PTPN13: variants seen among roughly 807,000 people sequenced by gnomAD.
PTPN13 encodes the protein protein tyrosine phosphatase non-receptor type 13.
Under a neutral mutation model 284.0 loss-of-function variants are expected in PTPN13, and 191 were observed. That is an observed-to-expected ratio of 0.67 (90% CI 0.60 to 0.76). PTPN13 has a LOEUF of 0.76. Ranked by LOEUF, PTPN13 falls within the 30% of genes least tolerant of loss-of-function variation. The pLI is 0.00. For missense variants in PTPN13, 2,797 were observed against 2,939.9 expected (o/e 0.95, Z 1.12); for synonymous variants, 986 against 1,022.3 (o/e 0.96, Z 0.68).
At position 86,734,826 on chromosome 4, in the gene PTPN13, T is replaced by C; in HGVS notation, c.2102T>C (p.Leu701Ser). 2 of 1,613,512 alleles carry C rather than the reference T, an allele frequency of 1.2e-6. No individual in the cohort carries two copies. Among genetic ancestry groups the C allele is most frequent in the Non-Finnish European group, 1.7e-6 (2 of 1,179,562 alleles). ...CACTGTGATGATGAGACTTCCTTAT[T>C]GCTGGCATCCTTGGCTCTCCAGGCT... The part of the protein sequence containing the change: ...RMHCDDETSL[L>S]LASLALQAEY... The change falls in exon 14 of 48, where the codon TTG (leucine) becomes TCG (serine). Residue 701 changes from leucine to serine, a missense_variant. Leu to Ser is a moderately radical substitution (Grantham distance 145). Coordinates refer to ENST00000411767, the MANE Select transcript of PTPN13 (RefSeq NM_080683.3).
chr4:86,692,605 C>T (rs1446874510), intron 5 of PTPN13, among the ~76,000 whole-genome samples: 3 of 152,146 alleles, frequency 2.0e-5, no homozygotes, highest in Non-Finnish European at 4.4e-5. Flanking sequence ...CTGAATAAAA[C>T]AGTGGTCTGT....
intron 2 of PTPN13, chr4:86,661,166 G>T (rs1309336441): frequency 4.5e-6 from 2 of 441,608 alleles, no homozygotes; most frequent in East Asian, 7.3e-5. Context: ...TTTACCAAGG[G>T]TAATCACTGC....
rs1024608243 is a variant in PTPN13, at chr4:86,657,883, T to G, written c.116-14482T>G. ...CCCACTCCATCCTCCACATAGAAGATGTCTCCCCAAGAGCTGCACTGCCTG... is the reference window on the plus strand; with the variant it reads ...CCCACTCCATCCTCCACATAGAAGAGGTCTCCCCAAGAGCTGCACTGCCTG... On this transcript the variant is annotated intron_variant, in intron 2 of 47. Coordinates refer to ENST00000411767, the MANE Select transcript of PTPN13 (RefSeq NM_080683.3). Among the ~76,000 whole-genome samples the G allele has an allele frequency of 7.2e-5, 11 of 152,162 alleles. 1 individual carries two copies. Among genetic ancestry groups the G allele is most frequent in the African/African-American group, 2.7e-4 (11 of 41,450 alleles).
intron 35 of PTPN13, among the ~76,000 whole-genome samples, chr4:86,776,949 A>G (rs1238901287): frequency 6.6e-6 from 1 of 152,164 alleles, no homozygotes; most frequent in East Asian, 1.9e-4. Context: ...TCATTCCCAG[A>G]GCTGGGATAG....
intron 42 of PTPN13, among the ~76,000 whole-genome samples, chr4:86,800,657 AAGAAAGAGAGAGAG>A (rs796389717): frequency 6.1e-4 from 92 of 150,970 alleles, no homozygotes; most frequent in African/African-American, 2.1e-3. Flanking sequence ...GTCAGAAAGA[AAGAAAGAGAGAGAG>A]AGAAAGAGAG....
chr4:86,734,641 T>C, intron 13 of PTPN13, 96 bp from the exon 14 acceptor site: 2 of 1,406,368 alleles, frequency 1.4e-6, no homozygotes, highest in Non-Finnish European at 1.9e-6. Flanking sequence ...AGCTTAGTAA[T>C]AAACTCATGG....
Position 86,814,713 on chromosome 4 carries a change from A to G in PTPN13, c.*162A>G, listed in dbSNP as rs1745611552. ...CTTCTTGAAAATAAAAAATATTGAA[A>G]TGCTGTATTTTTACAGCTACTTTAA... On this transcript the variant is annotated 3_prime_UTR_variant, in exon 48 of 48. Coordinates refer to ENST00000411767, the MANE Select transcript of PTPN13 (RefSeq NM_080683.3). 1 of 565,880 alleles carries G rather than the reference A, an allele frequency of 1.8e-6. No homozygotes were observed. The highest frequency in any genetic ancestry group is 1.9e-5 in the African/African-American group (1 of 53,080). 35.1% of individuals were successfully genotyped at this position (565,880 alleles called of 1,614,324 possible). A position where few individuals can be genotyped will look rare whatever the true frequency, so the allele number is the denominator to read the frequency against.
chr4:86,718,511 C>A (rs549874065), intron 9 of PTPN13, among the ~76,000 whole-genome samples: 1 of 149,582 alleles, frequency 6.7e-6, no homozygotes, highest in East Asian at 1.9e-4. Flanking sequence ...AATGCAGTGG[C>A]GCTATCTCAG....
chr4:86,775,326 C>T lies in PTPN13; in HGVS notation c.5664C>T (p.Cys1888=), dbSNP rs1040235010. 1 of 1,611,732 alleles carries T rather than the reference C, an allele frequency of 6.2e-7. No homozygotes were observed. The highest frequency in any genetic ancestry group is 8.5e-7 in the Non-Finnish European group (1 of 1,179,066). The change falls in exon 34 of 48, where the codon TGC becomes TGT. Residue 1888 remains cysteine (C), a synonymous_variant. Coordinates refer to ENST00000411767, the MANE Select transcript of PTPN13 (RefSeq NM_080683.3). ...PHLLPDITLT[C]NKEELGFSLC... The stretch of plus-strand genomic sequence containing the variant: ...TGCTACCGGACATAACACTAACGTG[C>T]AACAAAGAGGAGTTGGGTAATGAAA...
At chr4:86,797,645 T>C (rs1311945369) in intron 41 of PTPN13, among the ~76,000 whole-genome samples, 1 of 152,132 alleles carries the variant, frequency 6.6e-6, no homozygotes. Flanking sequence ...TAAATGGAAA[T>C]GTGGCAACAA....
chr4:86,809,053 G>T (rs1180348911), intron 45 of PTPN13, among the ~76,000 whole-genome samples: 1 of 152,156 alleles, frequency 6.6e-6, no homozygotes, highest in Non-Finnish European at 1.5e-5. Context: ...TGTGCACATT[G>T]TATTTAAAGC....
intron 2 of PTPN13, among the ~76,000 whole-genome samples, chr4:86,659,603 G>A (rs1217047877): frequency 6.6e-6 from 1 of 152,130 alleles, no homozygotes; most frequent in Non-Finnish European, 1.5e-5. Context: ...ATCACTTGAT[G>A]TCAGGAGTTC....
At position 86,701,223 on chromosome 4, in the gene PTPN13, A is replaced by G. The variant is rs988676148; in HGVS notation, c.635-18A>G. ...TCTAAAAATTGTGTGCATACATGATAGATTCTTATCATTCCAGGAAGAAGC... is the reference window on the plus strand; with the variant it reads ...TCTAAAAATTGTGTGCATACATGATGGATTCTTATCATTCCAGGAAGAAGC... On this transcript the variant is annotated intron_variant, in intron 6 of 47. Coordinates refer to ENST00000411767, the MANE Select transcript of PTPN13 (RefSeq NM_080683.3). 2.6e-6 allele frequency: 4 copies of G among 1,510,696 alleles called. No homozygotes were observed. The African/African-American group carries it at 4.2e-5, about 16-fold the overall frequency. 93.6% of individuals were successfully genotyped at this position (1,510,696 alleles called of 1,614,324 possible).
chr4:86,655,904 G>C (rs1319340475), intron 2 of PTPN13, among the ~76,000 whole-genome samples: 2 of 152,040 alleles, frequency 1.3e-5, no homozygotes, highest in Non-Finnish European at 2.9e-5. Flanking sequence ...TTGGTCTTTT[G>C]ACATAGTTCC....
chr4:86,729,547 A>G (rs1020258961), intron 10 of PTPN13, among the ~76,000 whole-genome samples: 1 of 148,412 alleles, frequency 6.7e-6, no homozygotes, highest in Non-Finnish European at 1.5e-5. Context: ...TCTTTTTACT[A>G]TTTTTTCTCT....
At chr4:86,753,135 T>TAA in intron 20 of PTPN13, 70 bp downstream of exon 20, 1 of 1,233,810 alleles carries the variant, frequency 8.1e-7, no homozygotes, top group Non-Finnish European at 1.2e-6. Context: ...GTCTTGGACC[T>TAA]AACAATGAAG....
chr4:86,601,662 C>T (rs561997717), intron 1 of PTPN13, among the ~76,000 whole-genome samples: 1 of 152,124 alleles, frequency 6.6e-6, no homozygotes, highest in Admixed American at 6.5e-5. Flanking sequence ...TATGTTAGTA[C>T]ATCAAACTTT....
Position 86,668,884 on chromosome 4 carries a change from G to T in PTPN13, c.116-3481G>T, listed in dbSNP as rs527478004. ...AGCCTCCCAAAGTGCTGGGATTACAGGCATGAGCCACTGCGCCCAGCCTGT... is the reference window on the plus strand; with the variant it reads ...AGCCTCCCAAAGTGCTGGGATTACATGCATGAGCCACTGCGCCCAGCCTGT... On this transcript the variant is annotated intron_variant, in intron 2 of 47. Transcript: ENST00000411767. 5.3e-5 allele frequency among the ~76,000 whole-genome samples: 8 copies of T among 151,550 alleles called. No individual in the cohort carries two copies. In the East Asian group the frequency reaches 1.6e-3, roughly 30 times the overall value.
In PTPN13 at chr4:86,734,385, G is replaced by C. The variant is rs1198053835; in HGVS notation, c.1941G>C (p.Lys647Asn). 6.4e-7 allele frequency: 1 copy of C among 1,562,620 alleles called. No homozygotes were observed. The highest frequency in any genetic ancestry group is 8.7e-7 in the Non-Finnish European group (1 of 1,151,532). The change falls in exon 13 of 48, where the codon AAG becomes AAC. Residue 647 changes from lysine (K) to asparagine (N), a missense_variant. By Grantham distance (94) the Lys-to-Asn change is moderately conservative. Transcript: ENST00000411767. ...PEGWKEEPKK[K>N]TKATVNFTLF... The stretch of plus-strand genomic sequence containing the variant: ...GATGGAAAGAAGAACCAAAGAAAAA[G>C]ACCAAAGCCACTGTTAATTTTACTT...
Sources: gnomAD v4.1 joint callset for allele counts (sites outside exome capture counted in the v4.1 genomes callset) on GRCh38, gnomAD v4.1.1 for gene constraint, MANE v1.5 for transcripts, NCBI Gene and HGNC (gene_info 2026-07-23, HGNC 2026-07-21) for gene names.